Variants in NDE1 observed in about 807,000 individuals in gnomAD.
NDE1 encodes the protein nuclear distribution protein nudE homolog 1.
NDE1 carries 28 observed loss-of-function variants against 43.4 expected under a neutral mutation model. The ratio of observed to expected loss-of-function variants is 0.65; its 90% CI spans 0.48 to 0.89. NDE1 has a LOEUF of 0.89. Ranked by LOEUF, NDE1 falls within the 40% of genes least tolerant of loss-of-function variation. The pLI is 0.00. For missense variants in NDE1, 441 were observed against 434.1 expected (o/e 1.02, Z -0.14); for synonymous variants, 184 against 172.0 (o/e 1.07, Z -0.55).
chr16:15,662,713 A>G (rs2037111038), intron 1 of NDE1, among the ~76,000 whole-genome samples: 1 of 152,118 alleles, frequency 6.6e-6, no homozygotes, highest in Non-Finnish European at 1.5e-5. Flanking sequence ...AGTAGCTGGG[A>G]ACACAGGCAT....
chr16:15,703,144 ATAACCATT>A (rs2151157929), intron 8 of NDE1: 1 of 185,902 alleles, frequency 5.4e-6, no homozygotes, highest in East Asian at 8.7e-5. Context: ...ATTGTGATTT[ATAACCATT>A]TATTAGTGAA....
chr16:15,657,794 G>T (rs1321541850), intron 1 of NDE1, among the ~76,000 whole-genome samples: 1 of 151,908 alleles, frequency 6.6e-6, no homozygotes, highest in Non-Finnish European at 1.5e-5. Context: ...TAGACACGGG[G>T]TTTCACCATG....
chr16:15,668,654 T>A (rs549394879), intron 3 of NDE1, among the ~76,000 whole-genome samples: 3 of 152,352 alleles, frequency 2.0e-5, no homozygotes, highest in African/African-American at 7.2e-5. Context: ...TGTTGAAATT[T>A]AATGAATTAA....
intron 4 of NDE1, chr16:15,684,296 G>A (rs11864331): frequency 1.3e-5 from 2 of 150,812 alleles, no homozygotes; most frequent in Admixed American, 6.6e-5. Flanking sequence ...GGGAAATTCA[G>A]AAATGCCACT....
At chr16:15,715,771 C>G (rs930898333) in intron 8 of NDE1, among the ~76,000 whole-genome samples, 5 of 152,152 alleles carry the variant, frequency 3.3e-5, no homozygotes, top group African/African-American at 7.2e-5. Context: ...CTCAGCCTCC[C>G]AAGTAGCTGG....
chr16:15,714,718 G>T, intron 8 of NDE1: 1 of 713,496 alleles, frequency 1.4e-6, no homozygotes, highest in African/African-American at 1.8e-5. Context: ...TACCAGGCAA[G>T]GCAGGGCCCG....
At chr16:15,667,508 G>A (rs2151444222) in intron 3 of NDE1, 69 bp downstream of exon 3, 4 of 1,580,646 alleles carry the variant, frequency 2.5e-6, no homozygotes, top group East Asian at 2.3e-5. Context: ...ATGCTTGGCT[G>A]GAAGAAGGAA....
intron 8 of NDE1, chr16:15,717,872 G>C (rs2040248417): frequency 7.2e-6 from 2 of 278,388 alleles, no homozygotes; most frequent in African/African-American, 4.4e-5. Context: ...TCTCTGTCCT[G>C]GAGTCGCCTG....
chr16:15,695,604 G>T lies in NDE1; in HGVS notation c.796-1105G>T, dbSNP rs2038974211. On this transcript the variant is annotated intron_variant, in intron 7 of 8. Transcript: ENST00000396354. ...CTTTTGTGCTTAAGTAAAAACATAGGTATTCTTTGTAGTTTATTTTTAAAA... is the reference window on the plus strand; with the variant it reads ...CTTTTGTGCTTAAGTAAAAACATAGTTATTCTTTGTAGTTTATTTTTAAAA... 3 of 985,086 alleles carry T rather than the reference G, an allele frequency of 3.0e-6. No individual in the cohort carries two copies. The South Asian group carries it at 1.4e-4, about 46-fold the overall frequency. 61.0% of individuals were successfully genotyped at this position (985,086 alleles called of 1,614,324 possible).
chr16:15,682,849 C>G (rs1443602321), intron 4 of NDE1, among the ~76,000 whole-genome samples: 1 of 152,058 alleles, frequency 6.6e-6, no homozygotes, highest in East Asian at 1.9e-4. Context: ...CTCAGCCTCT[C>G]GAGTAGCTGG....
At position 15,725,414 on chromosome 16, in the gene NDE1, G is replaced by T; in HGVS notation, c.*1163G>T. On this transcript the variant is annotated 3_prime_UTR_variant, in exon 9 of 9. Transcript: ENST00000396354. Reference sequence around the variant, plus strand: ...AGGGAGACCAGGATGGTACTTGAACGTCCCAGGGATGCTGTCCCATCCCTT... The same window carrying T: ...AGGGAGACCAGGATGGTACTTGAACTTCCCAGGGATGCTGTCCCATCCCTT... 1 of 501,496 alleles carries T rather than the reference G, an allele frequency of 2.0e-6. No homozygotes were observed. Among genetic ancestry groups the T allele is most frequent in the Non-Finnish European group, 3.5e-6 (1 of 288,638 alleles). The allele number at this position is 501,496 out of a possible 1,614,324, so 31.1% of individuals were successfully genotyped here. A position where few individuals can be genotyped will look rare whatever the true frequency, so the allele number is the denominator to read the frequency against.
At chr16:15,703,955 GTT>G in intron 8 of NDE1, 1 of 1,613,450 alleles carries the variant, frequency 6.2e-7, no homozygotes, top group South Asian at 1.1e-5. Flanking sequence ...TTGGTTTTTG[GTT>G]TTCTTGCCGT....
chr16:15,700,901 A>T (rs2039198443), intron 8 of NDE1, among the ~76,000 whole-genome samples: 1 of 152,120 alleles, frequency 6.6e-6, no homozygotes, highest in Non-Finnish European at 1.5e-5. Flanking sequence ...TACTGAAATC[A>T]TGTCTAAGAA....
chr16:15,682,906 A>G (rs1270592113), intron 4 of NDE1, among the ~76,000 whole-genome samples: 1 of 151,918 alleles, frequency 6.6e-6, no homozygotes, highest in Non-Finnish European at 1.5e-5. Context: ...TTCTATTTTT[A>G]GTAGAAATGG....
intron 6 of NDE1, among the ~76,000 whole-genome samples, chr16:15,692,152 C>G (rs1299004181): frequency 6.6e-6 from 1 of 152,136 alleles, no homozygotes. Context: ...TAATAACAGA[C>G]AGTTAAGGAG....
intron 4 of NDE1, 27 bp from the exon 5 acceptor site, chr16:15,687,348 G>C: frequency 1.9e-6 from 3 of 1,613,926 alleles, no homozygotes; most frequent in Non-Finnish European, 2.5e-6. Context: ...TTGTCCTCTT[G>C]GATAACTCTG....
intron 7 of NDE1, chr16:15,695,599 CAT>C: frequency 7.1e-6 from 7 of 984,568 alleles, no homozygotes; most frequent in Non-Finnish European, 8.4e-6. Flanking sequence ...TAAGTAAAAA[CAT>C]AGGTATTCTT....
At chr16:15,664,577 G>A (rs373644865) in intron 1 of NDE1, among the ~76,000 whole-genome samples, 159 bp from the exon 2 acceptor site, 12 of 151,642 alleles carry the variant, frequency 7.9e-5, no homozygotes, top group African/African-American at 2.7e-4. Flanking sequence ...GGGTGGTCTC[G>A]ATCTCCTGAC....
chr16:15,721,944 G>A (rs980208265), intron 8 of NDE1, among the ~76,000 whole-genome samples: 4 of 151,970 alleles, frequency 2.6e-5, no homozygotes, highest in Admixed American at 1.3e-4. Context: ...TGCAACCTCC[G>A]CCTCGTGGGT....
Sources: allele counts gnomAD v4.1 joint callset (sites outside exome capture counted in the v4.1 genomes callset), GRCh38; gene constraint gnomAD v4.1.1; transcripts MANE v1.5; gene names NCBI Gene and HGNC (gene_info 2026-07-23, HGNC 2026-07-21).